The following CCND3 variants were observed in gnomAD, a reference collection of about 807,000 sequenced individuals.
CCND3 encodes cyclin D3, also known as G1/S-specific cyclin-D3.
A neutral mutation model predicts 28.7 loss-of-function variants in CCND3; 9 were observed. The observed-to-expected ratio is 0.31, with a 90% CI of 0.19 to 0.55. The LOEUF is 0.55. CCND3 is among the 20% of genes least tolerant of loss of function. CCND3 has a pLI of 0.93. For missense variants in CCND3, 315 were observed against 385.8 expected, an observed-to-expected ratio of 0.82 and a Z score of 1.54; for synonymous variants, 164 against 163.9, an observed-to-expected ratio of 1.00 and a Z score of 0.00.
At chr6:41,980,036 A>ACACACACACACACACACACC (rs1554162936) in intron 1 of CCND3, among the ~76,000 whole-genome samples, 1 of 151,256 alleles carries the variant, frequency 6.6e-6, no homozygotes, top group Non-Finnish European at 1.5e-5. Context: ...ACACACACAC[A>ACACACACACACACACACACC]ATCAAACCTT....
chr6:41,948,671 T>TA (rs1776230086), intron 1 of CCND3, among the ~76,000 whole-genome samples: 1 of 151,778 alleles, frequency 6.6e-6, no homozygotes, highest in African/African-American at 2.4e-5. Context: ...ACCCCGTCTC[T>TA]AGTAAAAAAT....
Position 41,936,180 on chromosome 6 carries a change from CA to C in CCND3, c.712-74del. 1 of 1,465,170 alleles carries C rather than the reference CA, an allele frequency of 6.8e-7. No individual in the cohort carries two copies. The highest frequency in any genetic ancestry group is 9.1e-7 in the Non-Finnish European group (1 of 1,093,172). The allele number at this position is 1,465,170 out of a possible 1,614,324, so 90.8% of individuals were successfully genotyped here. Reference sequence around the variant, plus strand: ...TCTGGCAGCAGGTGCAGGGGAAGGACAGCTCCCAACACATGGGGAAGTCTGG... The same window carrying C: ...TCTGGCAGCAGGTGCAGGGGAAGGACGCTCCCAACACATGGGGAAGTCTGG... On this transcript the variant is annotated intron_variant, in intron 4 of 4. Coordinates refer to ENST00000372991, the MANE Select transcript of CCND3 (RefSeq NM_001760.5). The surrounding 1 kb of genome is among the most constrained non-coding windows in gnomAD (Gnocchi z 4.4).
chr6:42,040,940 A>T (rs1451490425), intron 1 of CCND3, among the ~76,000 whole-genome samples: 2 of 152,172 alleles, frequency 1.3e-5, no homozygotes, highest in African/African-American at 4.8e-5. Context: ...GTTAATAAAT[A>T]TCCATACTTA....
chr6:41,983,412 T>C (rs1762401585), intron 1 of CCND3, among the ~76,000 whole-genome samples: 1 of 151,734 alleles, frequency 6.6e-6, no homozygotes, highest in Non-Finnish European at 1.5e-5. Context: ...ATATATATAA[T>C]GAAATTATTA....
intron 1 of CCND3, among the ~76,000 whole-genome samples, chr6:41,962,164 G>A (rs893429642): frequency 8.6e-5 from 13 of 151,834 alleles, no homozygotes; most frequent in Non-Finnish European, 1.6e-4. Context: ...GTAGTGGCAC[G>A]ATATCGGCTC....
intron 1 of CCND3, among the ~76,000 whole-genome samples, chr6:42,020,905 C>CA (rs1763692553): frequency 6.6e-6 from 1 of 152,224 alleles, no homozygotes; most frequent in African/African-American, 2.4e-5. Flanking sequence ...GCACGTGCCA[C>CA]CATGCCCGGC....
intron 1 of CCND3, among the ~76,000 whole-genome samples, chr6:42,039,857 T>C (rs1455208109): frequency 2.0e-5 from 3 of 152,230 alleles, no homozygotes; most frequent in Non-Finnish European, 4.4e-5. Flanking sequence ...CTTGGCTTAG[T>C]GGACAATCCT....
intron 1 of CCND3, among the ~76,000 whole-genome samples, chr6:42,025,614 C>G (rs1033766207): frequency 6.6e-6 from 1 of 152,188 alleles, no homozygotes; most frequent in African/African-American, 2.4e-5. Flanking sequence ...CCCTCCCCTC[C>G]GGCACTCTGG....
At chr6:42,025,266 A>G (rs1168348250) in intron 1 of CCND3, among the ~76,000 whole-genome samples, 1 of 152,170 alleles carries the variant, frequency 6.6e-6, no homozygotes, top group East Asian at 1.9e-4. Context: ...AGCAAGGCCA[A>G]GAGGGGCCCA....
intron 1 of CCND3, among the ~76,000 whole-genome samples, chr6:42,038,938 T>C (rs1764299095): frequency 6.6e-6 from 1 of 152,230 alleles, no homozygotes; most frequent in African/African-American, 2.4e-5. Flanking sequence ...GAAACCTTTC[T>C]TGAGGCCCAG....
intron 1 of CCND3, chr6:42,047,895 C>T (rs1764591777): frequency 6.6e-6 from 1 of 152,292 alleles, no homozygotes; most frequent in Admixed American, 6.5e-5. Flanking sequence ...GTTTTGTGAT[C>T]CATATTAGCT....
chr6:42,026,283 G>GC lies in CCND3; in HGVS notation c.-46+22217dup, dbSNP rs530798249. Among the ~76,000 whole-genome samples, 228 of 145,048 alleles carry GC rather than the reference G, an allele frequency of 1.6e-3. 1 individual carries two copies. Among genetic ancestry groups the GC allele is most frequent in the South Asian group, 4.1e-3 (17 of 4,166 alleles). ...ACAGCACAGACCCTCTCCCCCCGCC[G>GC]CCCCCCTGCCAAGGGGAAAATATGG... On this transcript the variant is annotated intron_variant, in intron 1 of 4. Coordinates refer to the CCND3 transcript ENST00000372988.
chr6:41,941,238 A>G lies in CCND3; in HGVS notation c.198+214T>C. On this transcript the variant is annotated intron_variant, in intron 1 of 4. Coordinates refer to ENST00000372991, the MANE Select transcript of CCND3 (RefSeq NM_001760.5). The surrounding 1 kb of genome is among the most constrained non-coding windows in gnomAD (Gnocchi z 6.1). ...GAAGAGAGGCACAGTTAGGGTGCCA[A>G]GTGACTGGCAGTCACTGTCGGGAGG... 2 of 1,433,148 alleles carry G rather than the reference A, an allele frequency of 1.4e-6. No homozygotes were observed. Among genetic ancestry groups the G allele is most frequent in the East Asian group, 5.1e-5 (2 of 39,436 alleles). 88.8% of individuals were successfully genotyped at this position (1,433,148 alleles called of 1,614,324 possible). A position where few individuals can be genotyped will look rare whatever the true frequency, so the allele number is the denominator to read the frequency against.
At chr6:42,016,999 T>C (rs1763538900) in intron 1 of CCND3, among the ~76,000 whole-genome samples, 1 of 152,150 alleles carries the variant, frequency 6.6e-6, no homozygotes, top group Non-Finnish European at 1.5e-5. Flanking sequence ...GTTAGATAAA[T>C]GAGTGGAGTC....
At chr6:41,979,366 T>C (rs1217278059) in intron 1 of CCND3, among the ~76,000 whole-genome samples, 11 of 151,078 alleles carry the variant, frequency 7.3e-5, no homozygotes, top group Non-Finnish European at 1.2e-4. Flanking sequence ...ACCCCGTCTC[T>C]ATTAAAAAAT....
chr6:42,003,525 CAAAAAAA>C (rs61494473), intron 1 of CCND3, among the ~76,000 whole-genome samples: 207 of 72,946 alleles, frequency 2.8e-3, no homozygotes, highest in South Asian at 5.2e-3. Flanking sequence ...GACTCTGTCT[CAAAAAAA>C]AAAAAAAAAA....
At chr6:41,987,850 T>G (rs1360654362) in intron 1 of CCND3, among the ~76,000 whole-genome samples, 1 of 151,808 alleles carries the variant, frequency 6.6e-6, no homozygotes, top group Non-Finnish European at 1.5e-5. Flanking sequence ...GAATCTGCTT[T>G]GTGCTGAGGA....
chr6:41,992,463 G>GTTTTT (rs373285628), intron 1 of CCND3, among the ~76,000 whole-genome samples: 2 of 120,428 alleles, frequency 1.7e-5, no homozygotes, highest in African/African-American at 3.2e-5. Flanking sequence ...CACCCAGCCG[G>GTTTTT]TTTTTTTTTT....
intron 1 of CCND3, among the ~76,000 whole-genome samples, chr6:41,966,671 A>C (rs535102356): frequency 6.6e-6 from 1 of 152,174 alleles, no homozygotes; most frequent in Non-Finnish European, 1.5e-5. Context: ...AGGTCTGTCT[A>C]TCCCATAGCT....
Sources: allele counts gnomAD v4.1 joint callset (sites outside exome capture counted in the v4.1 genomes callset), GRCh38; gene constraint gnomAD v4.1.1; non-coding constraint Gnocchi (gnomAD v3.1); transcripts MANE v1.5; gene names NCBI Gene and HGNC (gene_info 2026-07-23, HGNC 2026-07-21).